Variants in NCAPD3 observed in about 807,000 individuals in gnomAD.
NCAPD3 encodes the protein condensin-2 complex subunit D3.
NCAPD3 carries 105 observed loss-of-function variants against 182.9 expected under a neutral mutation model. That is an observed-to-expected ratio of 0.57 (90% CI 0.49 to 0.68). The LOEUF is 0.68. Ranked by LOEUF, NCAPD3 falls within the 30% of genes least tolerant of loss-of-function variation. The pLI is 0.00. For missense variants in NCAPD3, 1,944 were observed against 1,837.0 expected (o/e 1.06, Z -1.07); for synonymous variants, 815 against 679.9 (o/e 1.20, Z -3.09).
In NCAPD3 at chr11:134,192,952, G is replaced by C. The variant is rs771318048; in HGVS notation, c.1825-43C>G. 5.1e-5 allele frequency: 57 copies of C among 1,116,010 alleles called. 1 individual carries two copies. The Admixed American group carries it at 9.8e-4, about 19-fold the overall frequency. 69.1% of individuals were successfully genotyped at this position (1,116,010 alleles called of 1,614,324 possible). On this transcript the variant is annotated intron_variant, in intron 15 of 34. Transcript: ENST00000534548. ...ATGACATGAGAAGGTCTAAATACAA[G>C]TCAGGGAAGTTGTGATCAACATTTT...
chr11:134,177,421 T>G lies in NCAPD3; in HGVS notation c.2819A>C (p.Lys940Thr), dbSNP rs1944197363. 2 of 1,614,140 alleles carry G rather than the reference T, an allele frequency of 1.2e-6. No homozygotes were observed. Among genetic ancestry groups the G allele is most frequent in the East Asian group, 4.5e-5 (2 of 44,880 alleles). Residue 940 changes from lysine (K) to threonine (T), a missense_variant, in exon 23 of 35, where the codon AAG (lysine) becomes ACG (threonine). Around this residue, in one of 3 missense-constraint regions of NCAPD3, gnomAD observed 1,803 missense variants for 1,674.6 expected, o/e 1.08. Coordinates refer to ENST00000534548, the MANE Select transcript of NCAPD3 (RefSeq NM_015261.3). Reference protein sequence around the residue: ...LCLQHEDLAKKSIPALVRELE... With the variant: ...LCLQHEDLAKTSIPALVRELE... ...CTCTCGCACCAGGGCTGGGATGCTCTTCTTTGCCAGATCCTCGTGCTGTAA... is the reference window on the plus strand; with the variant it reads ...CTCTCGCACCAGGGCTGGGATGCTCGTCTTTGCCAGATCCTCGTGCTGTAA...
chr11:134,198,725 A>G (rs1944687783), intron 13 of NCAPD3, among the ~76,000 whole-genome samples: 1 of 152,236 alleles, frequency 6.6e-6, no homozygotes, highest in Non-Finnish European at 1.5e-5. Context: ...TCCACAAAAC[A>G]ATCATTAGAG....
rs770524104 is a variant in NCAPD3, at chr11:134,209,165, T to C, written c.774A>G (p.Glu258=). The change falls in exon 6 of 35, where the codon GAA becomes GAG. Residue 258 remains glutamate, a synonymous_variant. Coordinates refer to ENST00000534548, the MANE Select transcript of NCAPD3 (RefSeq NM_015261.3). ...CTCACCTGGCTTGTGTAACATGACA[T>C]TCATGAAGAACTGGCTCAAAATTAG... ...SLTNFEPVLH[E]CHVTQARALN... 11 of 1,613,460 alleles carry C rather than the reference T, an allele frequency of 6.8e-6. No homozygotes were observed. Among genetic ancestry groups the C allele is most frequent in the African/African-American group, 1.3e-5 (1 of 74,868 alleles).
rs753252840 is a variant in NCAPD3, at chr11:134,209,330, C to T, written c.715G>A (p.Val239Ile). 14 of 1,613,612 alleles carry T rather than the reference C, an allele frequency of 8.7e-6. No homozygotes were observed. The highest frequency in any genetic ancestry group is 1.1e-5 in the Non-Finnish European group (13 of 1,179,916). ...KFSLKEKPQCVQNCIEVFVSL... is the reference protein window; with the variant it reads ...KFSLKEKPQCIQNCIEVFVSL... ...TCACTTACCTCTATACAATTCTGTA[C>T]ACATTGTGGCTTTTCTTTCAAGGAA... The change falls in exon 5 of 35, where the codon GTA (valine) becomes ATA (isoleucine). Residue 239 changes from valine to isoleucine, a missense_variant. Val to Ile is a conservative substitution (Grantham distance 29). Around this residue, in one of 3 missense-constraint regions of NCAPD3, gnomAD observed 1,803 missense variants for 1,674.6 expected, o/e 1.08. Coordinates refer to ENST00000534548, the MANE Select transcript of NCAPD3 (RefSeq NM_015261.3).
chr11:134,201,657 T>C (rs1565549710), intron 13 of NCAPD3, among the ~76,000 whole-genome samples: 1 of 152,250 alleles, frequency 6.6e-6, no homozygotes, highest in African/African-American at 2.4e-5. Flanking sequence ...ATGGGCTCTT[T>C]GCGTCCCCGA....
intron 27 of NCAPD3, among the ~76,000 whole-genome samples, chr11:134,167,013 A>G (rs1943842398): frequency 9.3e-6 from 1 of 107,024 alleles, no homozygotes; most frequent in Admixed American, 9.2e-5. Context: ...GGAGCTGCAC[A>G]CTCACTAGTG....
intron 16 of NCAPD3, among the ~76,000 whole-genome samples, chr11:134,190,035 C>A (rs1272764295): frequency 3.9e-5 from 6 of 152,146 alleles, no homozygotes; most frequent in Admixed American, 3.9e-4. Flanking sequence ...AGATTACTGA[C>A]CTATTGGATT....
intron 24 of NCAPD3, among the ~76,000 whole-genome samples, chr11:134,174,078 T>C (rs921670714): frequency 2.0e-5 from 3 of 151,962 alleles, no homozygotes; most frequent in African/African-American, 7.3e-5. Flanking sequence ...TCCTAAGATC[T>C]GCATTAGCAG....
rs577775707 is a variant in NCAPD3 at position 134,161,658 on chromosome 11, T to C, written c.3684+123A>G. On this transcript the variant is annotated intron_variant, in intron 28 of 34. Transcript: ENST00000534548. ...CTCCACAGCAGTTACCAAGGTAATG[T>C]TGGGTTTGCAGAATTTGGGGTTCTA... 10 of 682,880 alleles carry C rather than the reference T, an allele frequency of 1.5e-5. No homozygotes were observed. The East Asian group carries it at 2.6e-4, about 17-fold the overall frequency. 42.3% of individuals were successfully genotyped at this position (682,880 alleles called of 1,614,324 possible). A position where few individuals can be genotyped will look rare whatever the true frequency, so the allele number is the denominator to read the frequency against.
At chr11:134,164,564 T>C (rs1352976062) in intron 27 of NCAPD3, among the ~76,000 whole-genome samples, 6 of 151,992 alleles carry the variant, frequency 3.9e-5, no homozygotes, top group African/African-American at 1.4e-4. Context: ...GAAATGAGCT[T>C]AGGGGAGCTG....
intron 13 of NCAPD3, among the ~76,000 whole-genome samples, chr11:134,200,650 C>G (rs1392051978): frequency 6.6e-6 from 1 of 152,146 alleles, no homozygotes; most frequent in Non-Finnish European, 1.5e-5. Flanking sequence ...GGTGTGGCCA[C>G]TTTGAAAAAG....
intron 3 of NCAPD3, among the ~76,000 whole-genome samples, chr11:134,212,375 T>TTGTATGTG: frequency 7.0e-6 from 1 of 143,274 alleles, no homozygotes; most frequent in East Asian, 2.1e-4. Context: ...TTTTGTTGTT[T>TTGTATGTG]TGTGTGTGTG....
chr11:134,192,953 T>A, intron 15 of NCAPD3, 44 bp from the exon 16 acceptor site: 1 of 1,114,350 alleles, frequency 9.0e-7, no homozygotes, highest in Non-Finnish European at 1.4e-6. Flanking sequence ...TAAATACAAG[T>A]CAGGGAAGTT....
intron 16 of NCAPD3, among the ~76,000 whole-genome samples, chr11:134,189,070 A>G (rs565900217): frequency 1.2e-3 from 188 of 152,322 alleles, no homozygotes; most frequent in Non-Finnish European, 2.2e-3. Flanking sequence ...AGCTGTATCA[A>G]TTAAAATTTT....
intron 2 of NCAPD3, among the ~76,000 whole-genome samples, chr11:134,220,053 C>G (rs1468877190): frequency 6.6e-6 from 1 of 152,162 alleles, no homozygotes; most frequent in Non-Finnish European, 1.5e-5. Flanking sequence ...CTCGGCCTCC[C>G]AAAGTACTGG....
chr11:134,168,622 G>C lies in NCAPD3; in HGVS notation c.3240-20C>G, dbSNP rs759593369. The stretch of plus-strand genomic sequence containing the variant: ...TTCTCTCTGTGGCAGAACGGGACAA[G>C]TTCACTGCATCACATGGGCACGGGT... On this transcript the variant is annotated intron_variant, in intron 25 of 34. Coordinates refer to ENST00000534548, the MANE Select transcript of NCAPD3 (RefSeq NM_015261.3). The C allele has an allele frequency of 6.2e-7, 1 of 1,613,706 alleles. No individual in the cohort carries two copies. The highest frequency in any genetic ancestry group is 1.7e-5 in the Admixed American group (1 of 60,012).
chr11:134,171,672 T>C (rs539188099), intron 24 of NCAPD3, among the ~76,000 whole-genome samples: 2 of 152,320 alleles, frequency 1.3e-5, no homozygotes, highest in South Asian at 2.1e-4. Flanking sequence ...TGTGATGGTC[T>C]GTCTAGACCC....
chr11:134,208,910 T>A lies in NCAPD3; in HGVS notation c.836A>T (p.Tyr279Phe). The A allele has an allele frequency of 6.2e-7, 1 of 1,612,818 alleles. No homozygotes were observed. The highest frequency in any genetic ancestry group is 8.5e-7 in the Non-Finnish European group (1 of 1,179,588). ...GGGAGAGCACAGCAAATACAATCCATAATAAGCCAGTTCTGGTATGTATTT... is the reference window on the plus strand; with the variant it reads ...GGGAGAGCACAGCAAATACAATCCAAAATAAGCCAGTTCTGGTATGTATTT... ...QAKYIPELAY[Y>F]GLYLLCSPIH... The change falls in exon 7 of 35, where the codon TAT (tyrosine) becomes TTT (phenylalanine). Residue 279 changes from tyrosine to phenylalanine, a missense_variant. This residue lies in a region of NCAPD3 where 1,803 missense variants were observed against 1,674.6 expected (regional missense o/e 1.08). Transcript: ENST00000534548.
intron 16 of NCAPD3, among the ~76,000 whole-genome samples, chr11:134,190,342 C>T (rs1420032940): frequency 6.6e-6 from 1 of 152,230 alleles, no homozygotes; most frequent in East Asian, 1.9e-4. Flanking sequence ...TTTCAGTCAT[C>T]TCAGTTAATC....
Sources: allele counts gnomAD v4.1 joint callset (sites outside exome capture counted in the v4.1 genomes callset), GRCh38; gene constraint gnomAD v4.1.1; regional missense constraint gnomAD v4.1.1; transcripts MANE v1.5; gene names NCBI Gene and HGNC (gene_info 2026-07-23, HGNC 2026-07-21).